GTF2A1: variants seen among roughly 807,000 people sequenced by gnomAD.
GTF2A1 encodes transcription initiation factor IIA subunit 1.
In GTF2A1, 12 loss-of-function variants were observed where a neutral mutation model predicts 54.1. The ratio of observed to expected loss-of-function variants is 0.22; its 90% CI spans 0.14 to 0.36. The LOEUF is 0.36. Ranked by LOEUF, GTF2A1 falls within the 10% of genes least tolerant of loss-of-function variation. The probability of loss-of-function intolerance (pLI) is 1.00; values close to 1 mark genes in which losing one functional copy is unlikely to be tolerated. For synonymous variants in GTF2A1, 145 were observed against 152.0 expected (o/e 0.95, Z 0.34); for missense variants, 335 against 442.2 (o/e 0.76, Z 2.17).
In GTF2A1 at chr14:81,196,210, A is replaced by T; in HGVS notation, c.510T>A (p.Asn170Lys). ...GAGGCTGAAAGATATATTGGGCACC[A>T]TTGGCTGCTCTGACCACCTGAAGAA... Reference protein sequence around the residue: ...GQLLQVVRAANGAQYIFQPQQ... With the variant: ...GQLLQVVRAAKGAQYIFQPQQ... Residue 170 changes from asparagine (N) to lysine (K), a missense_variant, in exon 6 of 9, where the codon AAT becomes AAA. This residue lies in a region of GTF2A1 where 306 missense variants were observed against 360.4 expected (regional missense o/e 0.85). Coordinates refer to ENST00000553612, the MANE Select transcript of GTF2A1 (RefSeq NM_015859.4). The T allele has an allele frequency of 6.2e-7, 1 of 1,614,168 alleles. No individual in the cohort carries two copies. Among genetic ancestry groups the T allele is most frequent in the Non-Finnish European group, 8.5e-7 (1 of 1,179,976 alleles).
At chr14:81,183,025 C>A (rs1892671096) in intron 8 of GTF2A1, among the ~76,000 whole-genome samples, 1 of 152,198 alleles carries the variant, frequency 6.6e-6, no homozygotes, top group South Asian at 2.1e-4. Flanking sequence ...TTTTTCCATA[C>A]CGACTATCAG....
intron 1 of GTF2A1, among the ~76,000 whole-genome samples, chr14:81,219,136 T>C (rs1032383399): frequency 6.6e-6 from 1 of 151,998 alleles, no homozygotes; most frequent in East Asian, 1.9e-4. Context: ...ATTTTGAAAA[T>C]TGTAAACAAA....
intron 1 of GTF2A1, among the ~76,000 whole-genome samples, chr14:81,217,504 A>G (rs1284960190): frequency 6.6e-6 from 1 of 152,212 alleles, no homozygotes; most frequent in African/African-American, 2.4e-5. Flanking sequence ...AGCTTTTTAG[A>G]TGTTTTCTCA....
chr14:81,197,873 T>C (rs887062670), intron 4 of GTF2A1, among the ~76,000 whole-genome samples: 2 of 152,162 alleles, frequency 1.3e-5, no homozygotes, highest in Non-Finnish European at 2.9e-5. Context: ...ATATATGAAA[T>C]GGCTATTTCA....
intron 7 of GTF2A1, among the ~76,000 whole-genome samples, chr14:81,189,861 C>A (rs376307148): frequency 6.6e-6 from 1 of 152,154 alleles, no homozygotes; most frequent in Non-Finnish European, 1.5e-5. Context: ...AAGATTCACA[C>A]ATCACACAGA....
intron 5 of GTF2A1, 139 bp downstream of exon 5, chr14:81,197,270 T>TA: frequency 1.7e-6 from 1 of 585,404 alleles, no homozygotes; most frequent in Non-Finnish European, 3.1e-6. Flanking sequence ...AGCCCTCAAA[T>TA]AAAGTTATTT....
chr14:81,220,341 C>T, intron 1 of GTF2A1, 148 bp downstream of exon 1: 1 of 254,992 alleles, frequency 3.9e-6, no homozygotes, highest in Non-Finnish European at 6.8e-6. Flanking sequence ...CGGCCCGATC[C>T]GCCCGAGGCG....
intron 4 of GTF2A1, among the ~76,000 whole-genome samples, chr14:81,199,026 T>A (rs1030599496): frequency 6.6e-6 from 1 of 152,090 alleles, no homozygotes; most frequent in African/African-American, 2.4e-5. Context: ...ATTACCCAAT[T>A]TAAAATAAAA....
At chr14:81,217,009 C>T (rs537493228) in intron 1 of GTF2A1, among the ~76,000 whole-genome samples, 1 of 152,328 alleles carries the variant, frequency 6.6e-6, no homozygotes, top group African/African-American at 2.4e-5. Context: ...CCAGTCTGTA[C>T]TTTCAAGCTG....
chr14:81,211,891 A>G (rs948949544), intron 2 of GTF2A1, among the ~76,000 whole-genome samples: 1 of 139,480 alleles, frequency 7.2e-6, no homozygotes, highest in South Asian at 2.2e-4. Flanking sequence ...ATATATATAT[A>G]TATATATATA....
At chr14:81,185,000 A>G (rs1892712901) in intron 8 of GTF2A1, among the ~76,000 whole-genome samples, 1 of 152,242 alleles carries the variant, frequency 6.6e-6, no homozygotes, top group South Asian at 2.1e-4. Flanking sequence ...GCTAGTTTTC[A>G]CAGTATCTGG....
At chr14:81,206,991 A>C (rs2140034004) in intron 2 of GTF2A1, among the ~76,000 whole-genome samples, 1 of 152,316 alleles carries the variant, frequency 6.6e-6, no homozygotes, top group Middle Eastern at 3.4e-3. Context: ...ATTAATTCTT[A>C]AGGAGGGTCC....
At chr14:81,189,991 G>GC (rs1892839095) in intron 7 of GTF2A1, among the ~76,000 whole-genome samples, 5 of 104,246 alleles carry the variant, frequency 4.8e-5, no homozygotes, top group Non-Finnish European at 9.8e-5. Context: ...ACACATCCCT[G>GC]GTAAGACTGA....
At chr14:81,207,139 G>GTACCTACGTACC (rs1555390220) in intron 2 of GTF2A1, among the ~76,000 whole-genome samples, 6 of 147,780 alleles carry the variant, frequency 4.1e-5, no homozygotes, top group Non-Finnish European at 8.9e-5. Context: ...ACCTACCTAC[G>GTACCTACGTACC]TACCTACCTA....
At chr14:81,192,065 A>G (rs1043866006) in intron 7 of GTF2A1, among the ~76,000 whole-genome samples, 1 of 152,204 alleles carries the variant, frequency 6.6e-6, no homozygotes, top group African/African-American at 2.4e-5. Context: ...AGTGGTATAG[A>G]ACATGGACCA....
chr14:81,186,626 AAAACC>A (rs1056682401), intron 7 of GTF2A1, among the ~76,000 whole-genome samples: 2 of 152,198 alleles, frequency 1.3e-5, no homozygotes, highest in Non-Finnish European at 2.9e-5. Flanking sequence ...AAGAGAAGAC[AAAACC>A]AAAGTAGAGA....
intron 2 of GTF2A1, among the ~76,000 whole-genome samples, chr14:81,207,236 G>A (rs908017058): frequency 3.9e-5 from 6 of 151,980 alleles, no homozygotes; most frequent in African/African-American, 1.5e-4. Context: ...AACTTGAGTT[G>A]TATCTCCCAG....
At chr14:81,218,805 T>A (rs769866399) in intron 1 of GTF2A1, among the ~76,000 whole-genome samples, 1 of 150,566 alleles carries the variant, frequency 6.6e-6, no homozygotes, top group Non-Finnish European at 1.5e-5. Context: ...GATTTTTTTT[T>A]AATCTAGTTT....
intron 5 of GTF2A1, 192 bp downstream of exon 5, chr14:81,197,217 T>A (rs917415379): frequency 2.0e-6 from 1 of 488,592 alleles, no homozygotes; most frequent in African/African-American, 2.0e-5. Flanking sequence ...ATTTTCATCT[T>A]CTTTACTGTA....
Sources: allele counts gnomAD v4.1 joint callset (sites outside exome capture counted in the v4.1 genomes callset), GRCh38; gene constraint gnomAD v4.1.1; regional missense constraint gnomAD v4.1.1; transcripts MANE v1.5; gene names NCBI Gene and HGNC (gene_info 2026-07-23, HGNC 2026-07-21).